WSCD2: variants seen among roughly 807,000 people sequenced by gnomAD.
WSCD2 encodes sialate:O-sulfotransferase 2.
Under a neutral mutation model 55.7 loss-of-function variants are expected in WSCD2, and 28 were observed. That is an observed-to-expected ratio of 0.50 (90% CI 0.37 to 0.69). The LOEUF is 0.69. WSCD2 is among the 30% of genes least tolerant of loss of function. The pLI, the probability that WSCD2 is intolerant of heterozygous loss-of-function variation, is 0.00. For missense variants in WSCD2, 616 were observed against 762.1 expected, an observed-to-expected ratio of 0.81 and a Z score of 2.26; for synonymous variants, 301 against 301.9, an observed-to-expected ratio of 1.00 and a Z score of 0.03.
At chr12:108,238,882 T>C (rs961888575) in intron 7 of WSCD2, among the ~76,000 whole-genome samples, 1 of 152,216 alleles carries the variant, frequency 6.6e-6, no homozygotes, top group African/African-American at 2.4e-5. Flanking sequence ...GCCTGTTCCA[T>C]AGCTCTGTAA....
At chr12:108,219,512 A>G (rs1224233335) in intron 4 of WSCD2, among the ~76,000 whole-genome samples, 1 of 151,338 alleles carries the variant, frequency 6.6e-6, no homozygotes, top group Non-Finnish European at 1.5e-5. Context: ...CCCACTGCCC[A>G]AACAATCTCA....
chr12:108,188,931 C>T (rs766921206), intron 1 of WSCD2, among the ~76,000 whole-genome samples: 1 of 152,170 alleles, frequency 6.6e-6, no homozygotes, highest in Non-Finnish European at 1.5e-5. Context: ...TTAGCTTTCT[C>T]ATCTGTAAAG....
chr12:108,207,817 C>T (rs2137091929), intron 3 of WSCD2, among the ~76,000 whole-genome samples: 1 of 152,226 alleles, frequency 6.6e-6, no homozygotes, highest in South Asian at 2.1e-4. Flanking sequence ...TATGAAATCA[C>T]TAACTTATCT....
chr12:108,201,748 A>G (rs1884713224), intron 2 of WSCD2, among the ~76,000 whole-genome samples: 2 of 152,200 alleles, frequency 1.3e-5, no homozygotes, highest in African/African-American at 4.8e-5. Flanking sequence ...AGGCATACAA[A>G]TTAGTTCATG....
intron 2 of WSCD2, among the ~76,000 whole-genome samples, chr12:108,205,502 G>A (rs2137081940): frequency 6.6e-6 from 1 of 152,278 alleles, no homozygotes; most frequent in Non-Finnish European, 1.5e-5. Flanking sequence ...CAAGAAAAAT[G>A]TTTACTACTT....
chr12:108,154,858 C>G (rs1436285942), intron 1 of WSCD2, among the ~76,000 whole-genome samples: 1 of 152,150 alleles, frequency 6.6e-6, no homozygotes, highest in Non-Finnish European at 1.5e-5. Context: ...CATATGCAAT[C>G]AAGGTGTGAT....
At chr12:108,157,874 A>G (rs1648228518) in intron 1 of WSCD2, among the ~76,000 whole-genome samples, 1 of 152,144 alleles carries the variant, frequency 6.6e-6, no homozygotes, top group African/African-American at 2.4e-5. Context: ...TCACAACAAA[A>G]TTGGCCACCT....
rs560978841 is a variant in WSCD2 at position 108,174,759 on chromosome 12, T to A, written c.-551-20523T>A. On this transcript the variant is annotated intron_variant, in intron 1 of 8. Transcript: ENST00000547525. Reference sequence around the variant, plus strand: ...CCTCATGAGTAGCTAGGACTACAGGTGCATGCCACTGCACCTGGCTAACTT... The same window carrying A: ...CCTCATGAGTAGCTAGGACTACAGGAGCATGCCACTGCACCTGGCTAACTT... Among the ~76,000 whole-genome samples, 349 of 152,200 alleles carry A rather than the reference T, an allele frequency of 2.3e-3. 2 individuals carry two copies. Among genetic ancestry groups the A allele is most frequent in the African/African-American group, 8.1e-3 (336 of 41,528 alleles).
Position 108,227,446 on chromosome 12 carries a change from C to G in WSCD2, c.979+282C>G, listed in dbSNP as rs117156724. On this transcript the variant is annotated intron_variant, in intron 6 of 8. Transcript: ENST00000547525. ...GAATGAGAAGAGAGACTGAGTCTCC[C>G]ACTGGCTGCAACACAGATTCACTGT... Among the ~76,000 whole-genome samples the G allele has an allele frequency of 3.7e-3, 565 of 152,334 alleles. 2 individuals are homozygous for G. The highest frequency in any genetic ancestry group is 6.5e-3 in the Non-Finnish European group (444 of 68,030).
intron 2 of WSCD2, among the ~76,000 whole-genome samples, chr12:108,204,257 A>C (rs1158418295): frequency 2.0e-5 from 3 of 152,086 alleles, no homozygotes; most frequent in Non-Finnish European, 2.9e-5. Flanking sequence ...ACAGACACAC[A>C]ACCTGTTGAT....
At chr12:108,216,124 G>C (rs559182702) in intron 4 of WSCD2, among the ~76,000 whole-genome samples, 1 of 152,278 alleles carries the variant, frequency 6.6e-6, no homozygotes, top group East Asian at 1.9e-4. Flanking sequence ...TCTTCTTCAG[G>C]ATAGTAGAGA....
intron 1 of WSCD2, among the ~76,000 whole-genome samples, chr12:108,179,879 A>C (rs1309173146): frequency 6.6e-6 from 1 of 152,134 alleles, no homozygotes; most frequent in Non-Finnish European, 1.5e-5. Flanking sequence ...TGCATTTCAA[A>C]TACAAAAGAA....
chr12:108,143,481 T>G (rs1214316005), intron 1 of WSCD2, among the ~76,000 whole-genome samples: 1 of 152,148 alleles, frequency 6.6e-6, no homozygotes, highest in Non-Finnish European at 1.5e-5. Flanking sequence ...AGGGAAGAGA[T>G]AACTGGTCAG....
rs1890280719 is a variant in WSCD2 at position 108,249,028 on chromosome 12, C to T, written c.*685C>T. On this transcript the variant is annotated 3_prime_UTR_variant, in exon 9 of 9. Transcript: ENST00000547525. ...CTCAGAAATGAGCTGCTTGCCTTTCCACCTCCAGGGCATGAACCCTGCCCC... is the reference window on the plus strand; with the variant it reads ...CTCAGAAATGAGCTGCTTGCCTTTCTACCTCCAGGGCATGAACCCTGCCCC... The T allele has an allele frequency of 6.5e-6, 4 of 613,560 alleles. No homozygotes were observed. Among genetic ancestry groups the T allele is most frequent in the Non-Finnish European group, 8.2e-6 (4 of 489,692 alleles). The allele number at this position is 613,560 out of a possible 1,614,324, so 38.0% of individuals were successfully genotyped here.
At chr12:108,175,489 T>G (rs1393912749) in intron 1 of WSCD2, among the ~76,000 whole-genome samples, 1 of 152,222 alleles carries the variant, frequency 6.6e-6, no homozygotes, top group African/African-American at 2.4e-5. Context: ...GAGGCAAATG[T>G]AAAAACAAAA....
At chr12:108,225,625 G>A (rs974220109) in intron 5 of WSCD2, among the ~76,000 whole-genome samples, 1 of 152,050 alleles carries the variant, frequency 6.6e-6, no homozygotes, top group Non-Finnish European at 1.5e-5. Context: ...CTTTGGCACT[G>A]GATAGCACTT....
chr12:108,207,339 C>A (rs4964658), intron 3 of WSCD2, among the ~76,000 whole-genome samples: 83,123 of 151,810 alleles, frequency 0.55, 22,973 homozygotes, highest in East Asian at 0.6. Context: ...GTGGATGACC[C>A]CTGAGAGACT....
intron 4 of WSCD2, among the ~76,000 whole-genome samples, chr12:108,222,902 C>A (rs1395798303): frequency 6.6e-6 from 1 of 152,182 alleles, no homozygotes; most frequent in Non-Finnish European, 1.5e-5. Flanking sequence ...GGATTAAAAC[C>A]AATAGGATAT....
At chr12:108,236,877 A>G (rs964583773) in intron 7 of WSCD2, among the ~76,000 whole-genome samples, 6 of 151,558 alleles carry the variant, frequency 4.0e-5, no homozygotes, top group African/African-American at 1.5e-4. Context: ...GCCTCTCCCC[A>G]TCTCAGAGAC....
Sources: allele counts gnomAD v4.1 joint callset (sites outside exome capture counted in the v4.1 genomes callset), GRCh38; gene constraint gnomAD v4.1.1; transcripts MANE v1.5; gene names NCBI Gene and HGNC (gene_info 2026-07-23, HGNC 2026-07-21).